The following SLC9A8 variants were observed in gnomAD, a reference collection of about 807,000 sequenced individuals.
SLC9A8 encodes solute carrier family 9 member A8.
Under a neutral mutation model 66.6 loss-of-function variants are expected in SLC9A8, and 48 were observed. That is an observed-to-expected ratio of 0.72 (90% CI 0.57 to 0.92). The LOEUF (loss-of-function observed/expected upper bound fraction) is 0.92, where lower values mean the gene tolerates loss of function less well. Ranked by LOEUF, SLC9A8 falls within the 40% of genes least tolerant of loss-of-function variation. The probability of loss-of-function intolerance (pLI) is 0.00; values close to 1 mark genes in which losing one functional copy is unlikely to be tolerated. For missense variants in SLC9A8, 599 were observed against 747.3 expected, an observed-to-expected ratio of 0.80 and a Z score of 2.31; for synonymous variants, 274 against 282.6, an observed-to-expected ratio of 0.97 and a Z score of 0.31.
chr20:49,882,420 C>T (rs2089663008), intron 13 of SLC9A8, among the ~76,000 whole-genome samples: 1 of 152,202 alleles, frequency 6.6e-6, no homozygotes, highest in Non-Finnish European at 1.5e-5. Context: ...GGGCCATGCT[C>T]CTCCTTTCTC....
intron 8 of SLC9A8, among the ~76,000 whole-genome samples, 164 bp downstream of exon 8, chr20:49,855,745 T>C (rs1335839601): frequency 1.3e-5 from 2 of 152,210 alleles, no homozygotes; most frequent in Non-Finnish European, 2.9e-5. Flanking sequence ...CAAGCCTTGA[T>C]GTGCTGCAAG....
intron 7 of SLC9A8, among the ~76,000 whole-genome samples, chr20:49,851,141 C>G (rs2088233628): frequency 6.6e-6 from 1 of 152,220 alleles, no homozygotes; most frequent in Non-Finnish European, 1.5e-5. Context: ...CACGCGTACA[C>G]TGTACCATTG....
At chr20:49,874,451 C>T (rs550614908) in intron 10 of SLC9A8, among the ~76,000 whole-genome samples, 2 of 152,272 alleles carry the variant, frequency 1.3e-5, no homozygotes, top group South Asian at 2.1e-4. Context: ...ATTAGTCCCA[C>T]TGTACAGAAG....
intron 10 of SLC9A8, among the ~76,000 whole-genome samples, chr20:49,870,606 G>A (rs911382675): frequency 2.6e-5 from 4 of 152,152 alleles, no homozygotes; most frequent in Non-Finnish European, 5.9e-5. Context: ...TATGCACCAC[G>A]ACAAGAGAGT....
chr20:49,849,700 A>G lies in SLC9A8; in HGVS notation c.534+20A>G. ...GGTCAGGTAAGAAAATCATCTTTGA[A>G]ACACTTTGAAAGTCTTACATTCTTA... On this transcript the variant is annotated intron_variant, in intron 6 of 15. Coordinates refer to ENST00000361573, the MANE Select transcript of SLC9A8 (RefSeq NM_015266.3). The G allele has an allele frequency of 6.4e-7, 1 of 1,559,172 alleles. No homozygotes were observed. The highest frequency in any genetic ancestry group is 8.8e-7 in the Non-Finnish European group (1 of 1,130,204).
chr20:49,867,220 C>G (rs893537123), intron 10 of SLC9A8, among the ~76,000 whole-genome samples: 8 of 152,164 alleles, frequency 5.3e-5, no homozygotes, highest in African/African-American at 1.9e-4. Context: ...TTATTGTATT[C>G]CTTTACGGAG....
intron 7 of SLC9A8, among the ~76,000 whole-genome samples, chr20:49,852,540 A>G (rs2088296074): frequency 6.6e-6 from 1 of 152,156 alleles, no homozygotes; most frequent in South Asian, 2.1e-4. Context: ...ATCCTGAATT[A>G]TTTCGCTGCC....
chr20:49,881,391 G>C (rs1216796300), intron 13 of SLC9A8, among the ~76,000 whole-genome samples: 1 of 152,194 alleles, frequency 6.6e-6, no homozygotes, highest in Non-Finnish European at 1.5e-5. Context: ...TCTCAAGGTA[G>C]AAAAGGTGAA....
At chr20:49,822,485 A>G (rs1049961828) in intron 2 of SLC9A8, among the ~76,000 whole-genome samples, 5 of 152,216 alleles carry the variant, frequency 3.3e-5, no homozygotes, top group African/African-American at 9.6e-5. Flanking sequence ...AACAGCTTAT[A>G]TAAAAAAATA....
chr20:49,830,859 GC>G, intron 3 of SLC9A8: 1 of 1,444,214 alleles, frequency 6.9e-7, no homozygotes, highest in Non-Finnish European at 9.7e-7. Context: ...GGGACAGTTG[GC>G]CAGCATCTTC....
intron 3 of SLC9A8, among the ~76,000 whole-genome samples, chr20:49,832,201 CCTT>C (rs1479726403): frequency 6.6e-6 from 1 of 152,182 alleles, no homozygotes; most frequent in Non-Finnish European, 1.5e-5. Context: ...TCTGTCTGTC[CCTT>C]CTTTGGCCCA....
chr20:49,813,996 T>C (rs950618541), intron 1 of SLC9A8, among the ~76,000 whole-genome samples: 7 of 152,166 alleles, frequency 4.6e-5, no homozygotes, highest in African/African-American at 1.7e-4. Context: ...GTTTGTGGAA[T>C]GAGTATGTGA....
At chr20:49,850,761 G>A (rs1184313907) in intron 6 of SLC9A8, 49 bp from the exon 7 acceptor site, 2 of 1,599,494 alleles carry the variant, frequency 1.3e-6, no homozygotes, top group African/African-American at 2.7e-5. Flanking sequence ...CTGTTCTCCA[G>A]GGTTTTTTTT....
chr20:49,863,892 T>C (rs2088852111), intron 9 of SLC9A8: 1 of 152,206 alleles, frequency 6.6e-6, no homozygotes, highest in Non-Finnish European at 1.5e-5. Context: ...CGGAAGAGAC[T>C]CTTTTGCCTG....
chr20:49,839,712 C>A, intron 4 of SLC9A8, 113 bp downstream of exon 4: 1 of 541,614 alleles, frequency 1.8e-6, no homozygotes, highest in Non-Finnish European at 3.2e-6. Flanking sequence ...TTATATATCC[C>A]ATTACTTTTT....
intron 8 of SLC9A8, among the ~76,000 whole-genome samples, chr20:49,858,497 C>T (rs2088599038): frequency 6.6e-6 from 1 of 151,246 alleles, no homozygotes; most frequent in Non-Finnish European, 1.5e-5. Context: ...TGCTTTGTCT[C>T]TTGATTTTTT....
chr20:49,855,082 T>G (rs1488393383), intron 7 of SLC9A8, among the ~76,000 whole-genome samples: 1 of 151,564 alleles, frequency 6.6e-6, no homozygotes, highest in East Asian at 1.9e-4. Flanking sequence ...AGAGCAGAGG[T>G]CAGATGCAGG....
chr20:49,875,952 G>A (rs2089412569), intron 11 of SLC9A8, among the ~76,000 whole-genome samples: 1 of 152,110 alleles, frequency 6.6e-6, no homozygotes, highest in Non-Finnish European at 1.5e-5. Context: ...TGTTAGCCAG[G>A]ATGGTCTCGA....
Position 49,839,541 on chromosome 20 carries a change from G to A in SLC9A8, c.290G>A (p.Gly97Asp), listed in dbSNP as rs1412271501. The A allele has an allele frequency of 6.5e-6, 10 of 1,538,732 alleles. No individual in the cohort carries two copies. Among genetic ancestry groups the A allele is most frequent in the Admixed American group, 5.1e-5 (3 of 58,420 alleles). The change falls in exon 4 of 16, where the codon GGT (glycine) becomes GAT (aspartate). Residue 97 changes from glycine (G) to aspartate (D), a missense_variant and splice_region_variant. This residue lies in a region of SLC9A8 where 132 missense variants were observed against 120.9 expected (regional missense o/e 1.09). Coordinates refer to ENST00000361573, the MANE Select transcript of SLC9A8 (RefSeq NM_015266.3). The part of the protein sequence containing the change: ...LPESVAVVSL[G>D]ILMGAVIKII... Reference sequence around the variant, plus strand: ...TTAAAGTTTACATTTTCTCTTGTAGGTATTCTCATGGGAGCAGTTATAAAA... The same window carrying A: ...TTAAAGTTTACATTTTCTCTTGTAGATATTCTCATGGGAGCAGTTATAAAA...
Sources: allele counts gnomAD v4.1 joint callset (sites outside exome capture counted in the v4.1 genomes callset), GRCh38; gene constraint gnomAD v4.1.1; regional missense constraint gnomAD v4.1.1; transcripts MANE v1.5; gene names NCBI Gene and HGNC (gene_info 2026-07-23, HGNC 2026-07-21).